ARL15: variants seen among roughly 807,000 people sequenced by gnomAD.
ARL15 encodes ADP-ribosylation factor-like protein 15.
Under a neutral mutation model 25.2 loss-of-function variants are expected in ARL15, and 19 were observed. The ratio of observed to expected loss-of-function variants is 0.75; its 90% confidence interval spans 0.53 to 1.10. The LOEUF is 1.10. ARL15 is among the 50% of genes least tolerant of loss of function. The pLI, the probability that ARL15 is intolerant of heterozygous loss-of-function variation, is 0.00. For missense variants in ARL15, 220 were observed against 246.0 expected (o/e 0.89, Z 0.71); for synonymous variants, 94 against 86.8 (o/e 1.08, Z -0.46).
intron 4 of ARL15, among the ~76,000 whole-genome samples, chr5:53,889,514 G>A (rs1744646655): frequency 6.6e-6 from 1 of 152,210 alleles, no homozygotes; most frequent in Admixed American, 6.5e-5. Context: ...AAGGGGCCTA[G>A]TGGTGTTAAG....
chr5:54,141,456 C>G lies in ARL15; in HGVS notation c.253+13124G>C, dbSNP rs181238053. 1.6e-3 allele frequency among the ~76,000 whole-genome samples: 249 copies of G among 152,122 alleles called. 2 individuals carry two copies. Among genetic ancestry groups the G allele is most frequent in the Admixed American group, 8.1e-3 (124 of 15,292 alleles). On this transcript the variant is annotated intron_variant, in intron 3 of 4. Transcript: ENST00000504924. Reference sequence around the variant, plus strand: ...GAAAAGGGCCAAAGTCTCCACAAAACACAATTTCAACGATTTTTAACTGGA... The same window carrying G: ...GAAAAGGGCCAAAGTCTCCACAAAAGACAATTTCAACGATTTTTAACTGGA...
intron 4 of ARL15, among the ~76,000 whole-genome samples, chr5:53,953,756 G>A (rs953674509): frequency 6.6e-6 from 1 of 152,162 alleles, no homozygotes; most frequent in African/African-American, 2.4e-5. Flanking sequence ...TATATTTAAT[G>A]AGACAATCAT....
rs59369848 is a variant in ARL15 at position 53,951,847 on chromosome 5, ATTTTTTT to A, written c.463-65141_463-65135del. On this transcript the variant is annotated intron_variant, in intron 4 of 4. Transcript: ENST00000504924. Reference sequence around the variant, plus strand: ...GTTCTCTTAGACTTTACATAAAAGAATTTTTTTTTTTTTTTTTTTTTTTTTTACATTT... The same window carrying A: ...GTTCTCTTAGACTTTACATAAAAGAATTTTTTTTTTTTTTTTTTTACATTT... 1.2e-4 allele frequency among the ~76,000 whole-genome samples: 12 copies of A among 98,220 alleles called. 1 individual carries two copies. Among genetic ancestry groups the A allele is most frequent in the Admixed American group, 8.4e-4 (7 of 8,324 alleles). 64.4% of individuals were successfully genotyped at this position (98,220 alleles called of 152,430 possible). A position where few individuals can be genotyped will look rare whatever the true frequency, so the allele number is the denominator to read the frequency against.
chr5:54,232,178 C>T (rs1756689846), intron 1 of ARL15, among the ~76,000 whole-genome samples: 1 of 152,176 alleles, frequency 6.6e-6, no homozygotes, highest in African/African-American at 2.4e-5. Context: ...GACCTGCAAG[C>T]CCTTTCCCCT....
intron 4 of ARL15, among the ~76,000 whole-genome samples, chr5:54,006,379 C>T (rs1749043616): frequency 6.6e-6 from 1 of 151,590 alleles, no homozygotes; most frequent in Non-Finnish European, 1.5e-5. Flanking sequence ...ATATTGAGAC[C>T]GAGTACACAT....
chr5:53,968,057 G>T (rs1390781630), intron 4 of ARL15, among the ~76,000 whole-genome samples: 1 of 152,174 alleles, frequency 6.6e-6, no homozygotes, highest in African/African-American at 2.4e-5. Context: ...CAAGAAGCCT[G>T]GCTGTCACTA....
intron 1 of ARL15, among the ~76,000 whole-genome samples, chr5:54,238,975 A>T (rs1234719175): frequency 1.3e-5 from 2 of 152,230 alleles, no homozygotes; most frequent in African/African-American, 4.8e-5. Flanking sequence ...ATAGTCATTG[A>T]TGGGGAACTA....
chr5:54,296,594 C>T (rs530922004), intron 1 of ARL15, among the ~76,000 whole-genome samples: 2 of 152,364 alleles, frequency 1.3e-5, no homozygotes, highest in South Asian at 4.1e-4. Context: ...CACTGTGCCA[C>T]AATGTGCTCT....
intron 4 of ARL15, among the ~76,000 whole-genome samples, chr5:54,020,965 A>C (rs1270404115): frequency 1.3e-5 from 2 of 151,840 alleles, no homozygotes; most frequent in African/African-American, 2.4e-5. Flanking sequence ...AAAAAAAAGA[A>C]AAGACAGTCA....
chr5:53,939,093 A>T (rs1746444774), intron 4 of ARL15, among the ~76,000 whole-genome samples: 1 of 152,188 alleles, frequency 6.6e-6, no homozygotes, highest in Admixed American at 6.5e-5. Flanking sequence ...ACTTCCCTCA[A>T]CTACCCAAAT....
At chr5:54,108,889 C>T (rs928541679) in intron 4 of ARL15, among the ~76,000 whole-genome samples, 42 of 151,718 alleles carry the variant, frequency 2.8e-4, no homozygotes, top group African/African-American at 8.9e-4. Flanking sequence ...TACTAAAAAG[C>T]GAAAATTAAA....
chr5:54,306,727 G>A (rs35943), intron 1 of ARL15, among the ~76,000 whole-genome samples: 33,930 of 151,284 alleles, frequency 0.22, 3,959 homozygotes, highest in East Asian at 0.26. Context: ...GAAAAGCAAC[G>A]TACTGTTTAC....
chr5:54,192,728 C>T (rs376899920), intron 1 of ARL15, among the ~76,000 whole-genome samples: 3 of 151,590 alleles, frequency 2.0e-5, no homozygotes, highest in East Asian at 1.9e-4. Context: ...AGAGGAGAAA[C>T]CAGTCAGTCT....
At chr5:54,047,555 C>T (rs1220404867) in intron 4 of ARL15, among the ~76,000 whole-genome samples, 1 of 152,092 alleles carries the variant, frequency 6.6e-6, no homozygotes, top group Admixed American at 6.5e-5. Flanking sequence ...TCGCTGTGGC[C>T]CGGAGGTAGA....
At chr5:54,221,936 AC>A (rs1440694964) in intron 1 of ARL15, among the ~76,000 whole-genome samples, 2 of 152,188 alleles carry the variant, frequency 1.3e-5, no homozygotes, top group African/African-American at 4.8e-5. Flanking sequence ...TTCGTTTGGA[AC>A]ATTTTTGAAC....
At chr5:53,888,978 C>T (rs947779822) in intron 4 of ARL15, among the ~76,000 whole-genome samples, 1 of 152,142 alleles carries the variant, frequency 6.6e-6, no homozygotes, top group Non-Finnish European at 1.5e-5. Context: ...ATCAATAATG[C>T]TTCCCATCAG....
intron 4 of ARL15, among the ~76,000 whole-genome samples, chr5:54,091,745 T>C (rs1319510419): frequency 6.6e-6 from 1 of 151,146 alleles, no homozygotes; most frequent in African/African-American, 2.4e-5. Flanking sequence ...ACTTAATGGC[T>C]GAGCAAGACT....
At chr5:54,246,797 TACACACACAC>T (rs61025147) in intron 1 of ARL15, among the ~76,000 whole-genome samples, 40,231 of 138,918 alleles carry the variant, frequency 0.29, 7,090 homozygotes, top group Non-Finnish European at 0.39. Context: ...AAAGCATGCA[TACACACACAC>T]ACACACACAC....
At chr5:54,151,497 A>G (rs1167374655) in intron 3 of ARL15, among the ~76,000 whole-genome samples, 2 of 152,170 alleles carry the variant, frequency 1.3e-5, no homozygotes, top group Admixed American at 6.5e-5. Flanking sequence ...TGCTAGACCC[A>G]TAATTAATTG....
Sources: gnomAD v4.1 joint callset for allele counts (sites outside exome capture counted in the v4.1 genomes callset) on GRCh38, gnomAD v4.1.1 for gene constraint, MANE v1.5 for transcripts, NCBI Gene and HGNC (gene_info 2026-07-23, HGNC 2026-07-21) for gene names.